The following ACCSL variants were observed in gnomAD, a reference collection of about 807,000 sequenced individuals.
ACCSL encodes the protein 1-aminocyclopropane-1-carboxylate synthase homolog (inactive) like, also known as probable inactive 1-aminocyclopropane-1-carboxylate synthase-like protein 2.
A neutral mutation model predicts 61.7 loss-of-function variants in ACCSL; 55 were observed. The ratio of observed to expected loss-of-function variants is 0.89; its 90% CI spans 0.72 to 1.12. The LOEUF is 1.12. ACCSL is among the 50% of genes most tolerant of loss of function. ACCSL has a pLI of 0.00. For missense variants in ACCSL, 632 were observed against 698.0 expected, an observed-to-expected ratio of 0.91 and a Z score of 1.07; for synonymous variants, 258 against 264.3, an observed-to-expected ratio of 0.98 and a Z score of 0.23.
At chr11:43,970,841 C>A in the ACCSL span, among the ~76,000 whole-genome samples, 1 of 152,166 alleles carries the variant, frequency 6.6e-6, no homozygotes, top group Non-Finnish European at 1.5e-5. Context: ...AGCCCAGTAG[C>A]ATTTTAAGCA....
the ACCSL span, among the ~76,000 whole-genome samples, chr11:43,929,704 A>G: frequency 6.6e-6 from 1 of 152,146 alleles, no homozygotes; most frequent in East Asian, 1.9e-4. Flanking sequence ...ACCATGCCCG[A>G]CCGCTAATTT....
the ACCSL span, among the ~76,000 whole-genome samples, chr11:44,014,996 C>T: frequency 6.6e-6 from 1 of 152,200 alleles, no homozygotes; most frequent in Non-Finnish European, 1.5e-5. Context: ...TGATGATACA[C>T]ATGCAGGGGC....
chr11:44,013,858 C>T, the ACCSL span, among the ~76,000 whole-genome samples: 1 of 152,134 alleles, frequency 6.6e-6, no homozygotes, highest in Admixed American at 6.5e-5. Flanking sequence ...ACAGAGGCTT[C>T]GGGGTTGGTA....
chr11:44,015,056 C>G, the ACCSL span, among the ~76,000 whole-genome samples: 2 of 152,230 alleles, frequency 1.3e-5, no homozygotes. Context: ...CACAGGCATG[C>G]ACAAACTGCT....
At chr11:44,023,627 G>GTT in the ACCSL span, among the ~76,000 whole-genome samples, 1,997 of 137,940 alleles carry the variant, frequency 0.014, 56 homozygotes, top group East Asian at 0.067. Flanking sequence ...GATTTTATCT[G>GTT]TTTTTTTTTT....
At chr11:44,035,995 G>A in the ACCSL span, among the ~76,000 whole-genome samples, 1 of 151,994 alleles carries the variant, frequency 6.6e-6, no homozygotes. Context: ...GTTCCGAGGG[G>A]GCTGGAGCAG....
the ACCSL span, among the ~76,000 whole-genome samples, chr11:44,001,528 T>C: frequency 6.6e-6 from 1 of 151,482 alleles, no homozygotes; most frequent in Non-Finnish European, 1.5e-5. Context: ...AGATCGGGAG[T>C]CAGGTGCCTC....
the ACCSL span, among the ~76,000 whole-genome samples, chr11:43,961,382 GATTAA>G: frequency 6.6e-6 from 1 of 152,152 alleles, no homozygotes; most frequent in Non-Finnish European, 1.5e-5. Flanking sequence ...CCGGGGACAA[GATTAA>G]ATTATATTTA....
chr11:43,924,714 A>C, the ACCSL span, among the ~76,000 whole-genome samples: 3 of 152,196 alleles, frequency 2.0e-5, no homozygotes, highest in Non-Finnish European at 4.4e-5. Context: ...AGTCTGAGCC[A>C]CCTGCCTGGG....
intron 1 of ACCSL, 147 bp from the exon 2 acceptor site, chr11:44,049,915 G>A: frequency 1.9e-6 from 2 of 1,065,050 alleles, no homozygotes; most frequent in Non-Finnish European, 1.4e-6. Context: ...TTGGGTTCAT[G>A]GAAAGCTTTC....
chr11:44,031,144 T>C, the ACCSL span, among the ~76,000 whole-genome samples: 1 of 152,140 alleles, frequency 6.6e-6, no homozygotes, highest in African/African-American at 2.4e-5. Context: ...AAAATGGGAA[T>C]GGTACTACTT....
At chr11:43,989,853 C>T in the ACCSL span, among the ~76,000 whole-genome samples, 1 of 152,274 alleles carries the variant, frequency 6.6e-6, no homozygotes, top group Non-Finnish European at 1.5e-5. Flanking sequence ...TCCAGAGCCT[C>T]CTCAGGGTCC....
the ACCSL span, among the ~76,000 whole-genome samples, chr11:44,013,442 G>C: frequency 6.6e-6 from 1 of 151,874 alleles, no homozygotes; most frequent in African/African-American, 2.4e-5. Flanking sequence ...ACCATGCCTG[G>C]CTAATTTTTG....
chr11:43,960,110 AG>A, the ACCSL span, among the ~76,000 whole-genome samples: 214 of 152,274 alleles, frequency 1.4e-3, no homozygotes, highest in Middle Eastern at 3.4e-3. Context: ...ACCATTGCCC[AG>A]GATGTGTGAG....
chr11:43,949,828 A>AAACAAC, the ACCSL span, among the ~76,000 whole-genome samples: 19,834 of 150,594 alleles, frequency 0.13, 1,732 homozygotes, highest in Non-Finnish European at 0.19. Flanking sequence ...AAAAACAAAC[A>AAACAAC]AACAACAACA....
chr11:43,921,557 G>A, the ACCSL span, among the ~76,000 whole-genome samples: 7 of 152,136 alleles, frequency 4.6e-5, no homozygotes, highest in Non-Finnish European at 8.8e-5. Context: ...AGGTGATACA[G>A]CCAGCTTTGG....
Position 44,056,258 on chromosome 11 carries a change from C to T in ACCSL, c.1259C>T (p.Ala420Val). Residue 420 changes from alanine (A) to valine (V), a missense_variant, in exon 11 of 14, where the codon GCC (alanine) becomes GTC (valine). Physicochemically the swap from Ala to Val is moderately conservative, Grantham distance 64. Transcript: ENST00000378832. ...AAGGAGGTGGCCTCTGCTGTGAGTGCCTTTGGCTACCTCCACAGTATTTCT... is the reference window on the plus strand; with the variant it reads ...AAGGAGGTGGCCTCTGCTGTGAGTGTCTTTGGCTACCTCCACAGTATTTCT... ...HNKEVASAVS[A>V]FGYLHSISGI... 3 of 1,614,190 alleles carry T rather than the reference C, an allele frequency of 1.9e-6. No homozygotes were observed. The highest frequency in any genetic ancestry group is 2.5e-6 in the Non-Finnish European group (3 of 1,180,042).
chr11:44,059,909 A>G lies in ACCSL; in HGVS notation c.1696A>G (p.Met566Val). 1 of 1,613,676 alleles carries G rather than the reference A, an allele frequency of 6.2e-7. No homozygotes were observed. Among genetic ancestry groups the G allele is most frequent in the Non-Finnish European group, 8.5e-7 (1 of 1,179,716 alleles). ...GATAGTGAAGCAGTTGGAGGATGCA[A>G]TGAGGGAGTAGGCCGTCTGCCTCCC... ...ALIVKQLEDAMRE is the reference protein window; with the variant it reads ...ALIVKQLEDAVRE Residue 566 changes from methionine to valine, a missense_variant, in exon 14 of 14, where the codon ATG becomes GTG. Met to Val is a conservative substitution (Grantham distance 21). Transcript: ENST00000378832.
At chr11:44,033,676 A>T in the ACCSL span, among the ~76,000 whole-genome samples, 112 of 152,276 alleles carry the variant, frequency 7.4e-4, no homozygotes, top group Non-Finnish European at 1.3e-3. Flanking sequence ...TTTGTGTCCC[A>T]AGCAGGATAC....
Sources: allele counts gnomAD v4.1 joint callset (sites outside exome capture counted in the v4.1 genomes callset), GRCh38; gene constraint gnomAD v4.1.1; transcripts MANE v1.5; gene names NCBI Gene and HGNC (gene_info 2026-07-23, HGNC 2026-07-21).